Variants in STK39 observed in about 807,000 individuals in gnomAD.
The protein encoded by STK39 is serine/threonine kinase 39, also known as STE20/SPS1-related proline-alanine-rich protein kinase.
A neutral mutation model predicts 77.8 loss-of-function variants in STK39; 20 were observed. The observed-to-expected ratio is 0.26, with a 90% confidence interval of 0.18 to 0.37. STK39 has a LOEUF of 0.37. STK39 is among the 10% of genes least tolerant of loss of function. The pLI is 1.00. For missense variants in STK39, 479 were observed against 656.5 expected (o/e 0.73, Z 2.95); for synonymous variants, 246 against 234.1 (o/e 1.05, Z -0.47).
intron 2 of STK39, among the ~76,000 whole-genome samples, chr2:168,179,315 C>A (rs528980004): frequency 8.5e-5 from 13 of 152,332 alleles, no homozygotes; most frequent in African/African-American, 2.6e-4. Flanking sequence ...ATGACAGCAA[C>A]TGTGCTCCAC....
At chr2:168,164,620 C>T (rs3769384) in intron 3 of STK39, among the ~76,000 whole-genome samples, 14,055 of 152,002 alleles carry the variant, frequency 0.092, 1,232 homozygotes, top group East Asian at 0.31. Context: ...TTGCCCATGC[C>T]GGTCTTGAAC....
chr2:168,210,060 A>G (rs967063062), intron 1 of STK39, among the ~76,000 whole-genome samples: 1 of 151,060 alleles, frequency 6.6e-6, no homozygotes, highest in African/African-American at 2.4e-5. Context: ...GAAGGAAGGA[A>G]GGAAGGAAGG....
chr2:168,135,970 T>C (rs1687822316), intron 8 of STK39, among the ~76,000 whole-genome samples: 1 of 142,488 alleles, frequency 7.0e-6, no homozygotes, highest in African/African-American at 2.6e-5. Context: ...ATATGTTATA[T>C]GACGCTCTTC....
At chr2:168,116,238 G>A (rs1257626322) in intron 10 of STK39, among the ~76,000 whole-genome samples, 1 of 152,118 alleles carries the variant, frequency 6.6e-6, no homozygotes, top group African/African-American at 2.4e-5. Flanking sequence ...TTTTCAATCT[G>A]GGTTAAATTA....
At chr2:167,982,670 C>T (rs1683450878) in intron 16 of STK39, among the ~76,000 whole-genome samples, 1 of 152,192 alleles carries the variant, frequency 6.6e-6, no homozygotes. Context: ...TTCTCAGTCA[C>T]TACCCAACAC....
At chr2:168,036,996 C>T (rs1214954055) in intron 14 of STK39, among the ~76,000 whole-genome samples, 2 of 152,188 alleles carry the variant, frequency 1.3e-5, no homozygotes, top group Admixed American at 6.5e-5. Flanking sequence ...TTATAATAAA[C>T]ATTTTCATTT....
intron 10 of STK39, among the ~76,000 whole-genome samples, chr2:168,107,529 T>C (rs1166214960): frequency 1.3e-5 from 2 of 152,216 alleles, no homozygotes; most frequent in African/African-American, 4.8e-5. Context: ...TTAGCTCAAA[T>C]ATCTCTTATC....
chr2:168,008,962 C>T (rs1328409393), intron 16 of STK39, among the ~76,000 whole-genome samples: 1 of 152,150 alleles, frequency 6.6e-6, no homozygotes, highest in Admixed American at 6.5e-5. Flanking sequence ...TCTTTCTCCC[C>T]TCACTCCAGC....
intron 10 of STK39, among the ~76,000 whole-genome samples, chr2:168,128,561 G>A (rs551741439): frequency 1.3e-5 from 2 of 152,214 alleles, no homozygotes; most frequent in Non-Finnish European, 2.9e-5. Context: ...TGGTCCAGGA[G>A]AGAAGCTCAG....
At chr2:168,146,638 CCA>C (rs1235838695) in intron 5 of STK39, among the ~76,000 whole-genome samples, 1 of 152,166 alleles carries the variant, frequency 6.6e-6, no homozygotes, top group South Asian at 2.1e-4. Context: ...GCCCAACCAA[CCA>C]CAGAGTCTGA....
intron 1 of STK39, among the ~76,000 whole-genome samples, chr2:168,214,255 A>AC (rs1553542914): frequency 9.3e-4 from 53 of 56,710 alleles, no homozygotes; most frequent in African/African-American, 3.0e-3. Context: ...AACAACAACA[A>AC]CAAAAAAAAA....
chr2:168,052,044 T>C (rs1015450114), intron 14 of STK39, among the ~76,000 whole-genome samples: 2 of 151,844 alleles, frequency 1.3e-5, no homozygotes, highest in South Asian at 4.2e-4. Flanking sequence ...GCTCTGTGGA[T>C]AGAAACATAG....
intron 5 of STK39, among the ~76,000 whole-genome samples, chr2:168,151,435 A>G (rs779034863): frequency 1.2e-4 from 19 of 152,164 alleles, no homozygotes; most frequent in Non-Finnish European, 1.9e-4. Flanking sequence ...TCACGATAGA[A>G]AAATTGAAAG....
At chr2:167,956,247 C>T (rs1691758977) in intron 17 of STK39, among the ~76,000 whole-genome samples, 1 of 152,160 alleles carries the variant, frequency 6.6e-6, no homozygotes, top group African/African-American at 2.4e-5. Flanking sequence ...ACTTCAGAAT[C>T]AGACAGAACT....
At chr2:168,035,415 T>C (rs1159175548) in intron 14 of STK39, among the ~76,000 whole-genome samples, 1 of 152,176 alleles carries the variant, frequency 6.6e-6, no homozygotes, top group African/African-American at 2.4e-5. Context: ...TTATTTTAGT[T>C]TTTCCTTCCC....
intron 10 of STK39, among the ~76,000 whole-genome samples, chr2:168,091,593 G>A (rs554146061): frequency 6.6e-6 from 1 of 152,326 alleles, no homozygotes; most frequent in South Asian, 2.1e-4. Flanking sequence ...CAGAAAGACT[G>A]ACAGGTGTGA....
intron 1 of STK39, among the ~76,000 whole-genome samples, chr2:168,243,350 C>T (rs1035477162): frequency 1.3e-5 from 2 of 152,170 alleles, no homozygotes; most frequent in Non-Finnish European, 2.9e-5. Flanking sequence ...CTGAGTAAAA[C>T]GCACCTGAAT....
chr2:168,160,421 T>C (rs981087172), intron 5 of STK39, among the ~76,000 whole-genome samples: 5 of 152,270 alleles, frequency 3.3e-5, no homozygotes, highest in African/African-American at 1.2e-4. Flanking sequence ...CAAGGGAGTA[T>C]CACTGTGATC....
At chr2:168,060,622 G>A (rs1436298320) in intron 14 of STK39, among the ~76,000 whole-genome samples, 2 of 152,176 alleles carry the variant, frequency 1.3e-5, no homozygotes, top group Non-Finnish European at 2.9e-5. Context: ...AGTGTTCACT[G>A]AAAATAAGTC....
Sources: gnomAD v4.1 joint callset for allele counts (sites outside exome capture counted in the v4.1 genomes callset) on GRCh38, gnomAD v4.1.1 for gene constraint, MANE v1.5 for transcripts, NCBI Gene and HGNC (gene_info 2026-07-23, HGNC 2026-07-21) for gene names.